Variants in USP45 observed in about 807,000 individuals in gnomAD.
The protein encoded by USP45 is ubiquitin carboxyl-terminal hydrolase 45.
Under a neutral mutation model 95.8 loss-of-function variants are expected in USP45, and 89 were observed. That is an observed-to-expected ratio of 0.93 (90% confidence interval 0.78 to 1.11). The LOEUF (loss-of-function observed/expected upper bound fraction) is 1.11, where lower values mean the gene tolerates loss of function less well. Among genes scored for constraint, USP45 ranks in the 50% least tolerant of loss-of-function variants. The pLI is 0.00. For synonymous variants in USP45, 281 were observed against 316.2 expected (o/e 0.89, Z 1.18); for missense variants, 898 against 942.5 (o/e 0.95, Z 0.62).
intron 5 of USP45, among the ~76,000 whole-genome samples, chr6:99,495,404 T>C (rs1489331429): frequency 6.6e-6 from 1 of 152,246 alleles, no homozygotes; most frequent in African/African-American, 2.4e-5. Flanking sequence ...GGTTCTTCCC[T>C]TTCTTCCCAT....
chr6:99,502,975 A>C (rs1440931559), intron 5 of USP45, among the ~76,000 whole-genome samples: 1 of 152,218 alleles, frequency 6.6e-6, no homozygotes, highest in Non-Finnish European at 1.5e-5. Context: ...CTGTGAGCCA[A>C]TTAAACCTCT....
At chr6:99,436,887 G>A (rs1045240437) in intron 17 of USP45, among the ~76,000 whole-genome samples, 15 of 152,108 alleles carry the variant, frequency 9.9e-5, no homozygotes, top group Non-Finnish European at 1.5e-5. Flanking sequence ...ATCACTTGAG[G>A]TCAGGAGTTT....
rs755141914 is a variant in USP45 at position 99,464,668 on chromosome 6, T to A, written c.1244A>T (p.Asn415Ile). The A allele has an allele frequency of 1.9e-6, 3 of 1,613,252 alleles. No individual in the cohort carries two copies. The highest frequency in any genetic ancestry group is 2.2e-5 in the East Asian group (1 of 44,774). The change falls in exon 13 of 18, where the codon AAT (asparagine) becomes ATT (isoleucine). Residue 415 changes from asparagine to isoleucine, a missense_variant. Transcript: ENST00000500704. ...RETDHDRYSG[N>I]VTIENIHQPR... is the part of the protein sequence containing the mutation. ...TTGATGAATATTTTCTATAGTAACATTGCCACTGTATCGATCATGATCTGT... is the reference window on the plus strand; with the variant it reads ...TTGATGAATATTTTCTATAGTAACAATGCCACTGTATCGATCATGATCTGT...
rs368195224 is a variant in USP45 at position 99,472,853 on chromosome 6, T to G, written c.933+3290A>C. Among the ~76,000 whole-genome samples the G allele has an allele frequency of 2.0e-5, 3 of 152,176 alleles. No individual in the cohort carries two copies. The East Asian group carries it at 5.8e-4, about 29-fold the overall frequency. The stretch of plus-strand genomic sequence containing the variant: ...TACTGACTACAGATGTCCAAGCATT[T>G]AAACTTCAATCAGCAGTATTTTATA... On this transcript the variant is annotated intron_variant, in intron 9 of 17. Coordinates refer to ENST00000500704, the MANE Select transcript of USP45 (RefSeq NM_001346022.3).
rs1295281593 is a variant in USP45 at position 99,480,664 on chromosome 6, C to CA, written c.845+2088dup. ...GGGCAACAAGAGCGAAACTCCGTCT[C>CA]AAAAAAAAAAAAGAGGACCTAGAAT... On this transcript the variant is annotated intron_variant, in intron 8 of 17. Coordinates refer to ENST00000500704, the MANE Select transcript of USP45 (RefSeq NM_001346022.3). Among the ~76,000 whole-genome samples the CA allele has an allele frequency of 2.8e-3, 366 of 129,854 alleles. 1 individual carries two copies. The highest frequency in any genetic ancestry group is 0.012 in the Middle Eastern group (3 of 250). The allele number at this position is 129,854 out of a possible 152,430, so 85.2% of individuals were successfully genotyped here.
intron 13 of USP45, among the ~76,000 whole-genome samples, chr6:99,454,175 A>G (rs1453929698): frequency 6.6e-6 from 1 of 152,152 alleles, no homozygotes; most frequent in East Asian, 1.9e-4. Context: ...CAGCCAACTG[A>G]TTTCTGACAA....
chr6:99,451,069 G>A (rs1449031210), intron 13 of USP45, among the ~76,000 whole-genome samples: 13 of 152,100 alleles, frequency 8.5e-5, no homozygotes, highest in Admixed American at 8.5e-4. Context: ...CAAACCCACA[G>A]CCAATATCAT....
rs546904417 is a variant in USP45 at position 99,453,022 on chromosome 6, T to C, written c.1309-6559A>G. 1.8e-3 allele frequency among the ~76,000 whole-genome samples: 276 copies of C among 151,806 alleles called. 2 individuals are homozygous for C. The highest frequency in any genetic ancestry group is 6.4e-3 in the African/African-American group (264 of 41,390). ...AAGGGGAAGATCACACACAGGAGCC[T>C]GTTGTGGGGTGGCGGGAGCAGGGAG... On this transcript the variant is annotated intron_variant, in intron 13 of 17. Coordinates refer to ENST00000500704, the MANE Select transcript of USP45 (RefSeq NM_001346022.3).
intron 5 of USP45, among the ~76,000 whole-genome samples, chr6:99,493,180 C>T (rs1173668803): frequency 1.3e-5 from 2 of 151,908 alleles, no homozygotes; most frequent in Non-Finnish European, 2.9e-5. Flanking sequence ...GCACATGCCA[C>T]CACACCTGGC....
At chr6:99,471,370 C>A (rs181653296) in intron 9 of USP45, among the ~76,000 whole-genome samples, 158 of 151,192 alleles carry the variant, frequency 1.0e-3, no homozygotes, top group Middle Eastern at 3.4e-3. Flanking sequence ...TTTCAGATCT[C>A]CACCTTATAC....
intron 7 of USP45, among the ~76,000 whole-genome samples, chr6:99,484,004 G>GTTTTTTTTT (rs773687208): frequency 0.025 from 2,279 of 91,352 alleles, 210 homozygotes; most frequent in African/African-American, 0.045. Context: ...ATTTTCCATA[G>GTTTTTTTTT]TTTTTTTTTT....
intron 8 of USP45, chr6:99,482,408 C>T (rs1057328154): frequency 1.4e-5 from 3 of 212,428 alleles, no homozygotes; most frequent in East Asian, 9.9e-5. Context: ...TGTTATCTTA[C>T]GGTACTTTCT....
chr6:99,466,543 C>G, intron 11 of USP45, 129 bp downstream of exon 11: 2 of 708,520 alleles, frequency 2.8e-6, no homozygotes, highest in Non-Finnish European at 4.8e-6. Context: ...AAAAGACTTT[C>G]AAGAATCATT....
chr6:99,490,090 T>C (rs1794831254), intron 5 of USP45, among the ~76,000 whole-genome samples: 1 of 152,220 alleles, frequency 6.6e-6, no homozygotes, highest in Non-Finnish European at 1.5e-5. Flanking sequence ...TAATTTGAAG[T>C]TTGATAAGAA....
In USP45 at chr6:99,434,832, T is replaced by C. The variant is rs1172747298; in HGVS notation, c.*884A>G. On this transcript the variant is annotated 3_prime_UTR_variant, in exon 18 of 18. Coordinates refer to ENST00000500704, the MANE Select transcript of USP45 (RefSeq NM_001346022.3). The stretch of plus-strand genomic sequence containing the variant: ...TCCTATATGGATTATCAACTTCTAA[T>C]TGCCAATTCTAAATGTTATAATCAT... The C allele has an allele frequency of 1.3e-5, 2 of 152,244 alleles. No individual in the cohort carries two copies. Among genetic ancestry groups the C allele is most frequent in the Non-Finnish European group, 2.9e-5 (2 of 68,024 alleles). The allele number at this position is 152,244 out of a possible 1,614,324, so 9.4% of individuals were successfully genotyped here.
intron 13 of USP45, chr6:99,462,724 A>C: frequency 5.0e-6 from 5 of 991,808 alleles, no homozygotes; most frequent in Non-Finnish European, 6.0e-6. Context: ...TCACACCTGC[A>C]ATTCCAGCAC....
chr6:99,507,380 T>C (rs1031372592), intron 4 of USP45, 48 bp downstream of exon 4: 7 of 1,125,682 alleles, frequency 6.2e-6, no homozygotes, highest in Non-Finnish European at 8.9e-6. Flanking sequence ...AAAAAAAAAT[T>C]GGGGGGCTGT....
At chr6:99,495,914 T>C (rs1796186379) in intron 5 of USP45, among the ~76,000 whole-genome samples, 1 of 152,198 alleles carries the variant, frequency 6.6e-6, no homozygotes, top group South Asian at 2.1e-4. Context: ...GTGACATCTT[T>C]GGGAAAACTG....
chr6:99,502,055 G>T lies in USP45; in HGVS notation c.478+1710C>A, dbSNP rs751033632. ...GTGATTAGAATGTTGGGGGCCTAGA[G>T]ACTGAGTTAAATCAATATGGCCAAT... On this transcript the variant is annotated intron_variant, in intron 5 of 17. Coordinates refer to ENST00000500704, the MANE Select transcript of USP45 (RefSeq NM_001346022.3). The T allele has an allele frequency of 2.4e-6, 3 of 1,273,506 alleles. No individual in the cohort carries two copies. In the African/African-American group the frequency reaches 4.7e-5, roughly 20 times the overall value. 78.9% of individuals were successfully genotyped at this position (1,273,506 alleles called of 1,614,324 possible).
Sources: gnomAD v4.1 joint callset for allele counts (sites outside exome capture counted in the v4.1 genomes callset) on GRCh38, gnomAD v4.1.1 for gene constraint, MANE v1.5 for transcripts, NCBI Gene and HGNC (gene_info 2026-07-23, HGNC 2026-07-21) for gene names.